The following MEF2C variants were observed in gnomAD, a reference collection of about 807,000 sequenced individuals.
MEF2C encodes myocyte enhancer factor 2C.
Under a neutral mutation model 50.5 loss-of-function variants are expected in MEF2C, and 6 were observed. The ratio of observed to expected loss-of-function variants is 0.12; its 90% CI spans 0.07 to 0.23. The LOEUF (loss-of-function observed/expected upper bound fraction) is 0.23, where lower values mean the gene tolerates loss of function less well. MEF2C is among the 10% of genes least tolerant of loss of function. MEF2C has a pLI of 1.00. For missense variants in MEF2C, 276 were observed against 605.0 expected (o/e 0.46, Z 5.70); for synonymous variants, 183 against 228.0 (o/e 0.80, Z 1.78).
chr5:88,862,004 T>G (rs1164412093), intron 1 of MEF2C, among the ~76,000 whole-genome samples: 1 of 152,210 alleles, frequency 6.6e-6, no homozygotes, highest in Non-Finnish European at 1.5e-5. Context: ...ATGGTATTAG[T>G]AAGCAGTGCA....
intron 10 of MEF2C, among the ~76,000 whole-genome samples, chr5:88,724,567 CA>C (rs542685749): frequency 1.7e-4 from 26 of 152,132 alleles, no homozygotes; most frequent in Non-Finnish European, 3.5e-4. Context: ...CAAGAAACTA[CA>C]CTGACTGTAT....
At chr5:88,740,784 A>G in intron 6 of MEF2C, 1 of 985,350 alleles carries the variant, frequency 1.0e-6, no homozygotes, top group Non-Finnish European at 1.2e-6. Context: ...TATCTTTAAA[A>G]AATTCCATTT....
chr5:88,758,955 A>G (rs1776620133), intron 4 of MEF2C, among the ~76,000 whole-genome samples: 1 of 152,224 alleles, frequency 6.6e-6, no homozygotes, highest in African/African-American at 2.4e-5. Flanking sequence ...ACAAGATCCA[A>G]TGTGCATTCT....
intron 1 of MEF2C, chr5:88,877,806 T>G (rs1328145135): frequency 6.6e-6 from 1 of 152,020 alleles, no homozygotes; most frequent in African/African-American, 2.4e-5. Flanking sequence ...TTTCATAGAC[T>G]TTTTTTCAGT....
intron 3 of MEF2C, among the ~76,000 whole-genome samples, chr5:88,783,195 T>A (rs1789027556): frequency 6.6e-6 from 1 of 152,202 alleles, no homozygotes; most frequent in African/African-American, 2.4e-5. Context: ...GCCATCATGG[T>A]CGTCGTTATC....
chr5:88,731,853 G>T lies in MEF2C; in HGVS notation c.686C>A (p.Pro229His). 1 of 1,613,216 alleles carries T rather than the reference G, an allele frequency of 6.2e-7. No homozygotes were observed. Among genetic ancestry groups the T allele is most frequent in the Non-Finnish European group, 8.5e-7 (1 of 1,179,486 alleles). The change falls in exon 7 of 11, where the codon CCT becomes CAT. Residue 229 changes from proline (P) to histidine (H), a missense_variant. Pro to His is a moderately conservative substitution (Grantham distance 77, BLOSUM62 -2). Around this residue, in one of 2 missense-constraint regions of MEF2C, gnomAD observed 256 missense variants for 468.1 expected, o/e 0.55. Transcript: ENST00000504921. ...PRNSPGLLVS[P>H]GNLNKNMQAK... Reference sequence around the variant, plus strand: ...TTGCATATTCTTGTTCAAGTTACCAGGTGAGACCAGCAGACCTGGTGAGTT... The same window carrying T: ...TTGCATATTCTTGTTCAAGTTACCATGTGAGACCAGCAGACCTGGTGAGTT...
chr5:88,759,921 T>C (rs1459571782), intron 4 of MEF2C, among the ~76,000 whole-genome samples: 1 of 152,248 alleles, frequency 6.6e-6, no homozygotes, highest in Non-Finnish European at 1.5e-5. Context: ...ATCTTGTGAG[T>C]GCAGTTGTGA....
At chr5:88,847,697 G>C (rs1273060576) in intron 1 of MEF2C, among the ~76,000 whole-genome samples, 1 of 151,536 alleles carries the variant, frequency 6.6e-6, no homozygotes, top group Non-Finnish European at 1.5e-5. Context: ...TTAGTAACTT[G>C]ACTATAAAAC....
At chr5:88,807,801 A>G (rs77231631) in intron 2 of MEF2C, among the ~76,000 whole-genome samples, 1 of 152,334 alleles carries the variant, frequency 6.6e-6, no homozygotes, top group East Asian at 1.9e-4. Flanking sequence ...TATGACTGAT[A>G]GAAAGATAAA....
At chr5:88,766,289 T>C (rs945701297) in intron 3 of MEF2C, among the ~76,000 whole-genome samples, 2 of 152,208 alleles carry the variant, frequency 1.3e-5, no homozygotes, top group African/African-American at 2.4e-5. Flanking sequence ...AAAAGAATGC[T>C]ACATGGAGCT....
intron 3 of MEF2C, among the ~76,000 whole-genome samples, chr5:88,775,092 T>C (rs1784158665): frequency 6.6e-6 from 1 of 152,220 alleles, no homozygotes; most frequent in Admixed American, 6.5e-5. Flanking sequence ...AGGGCCTTTA[T>C]TTGCTTACCT....
chr5:88,896,243 C>T (rs1194560179), intron 1 of MEF2C, among the ~76,000 whole-genome samples: 2 of 152,206 alleles, frequency 1.3e-5, no homozygotes, highest in Admixed American at 6.5e-5. Context: ...CCCCTGGTCT[C>T]TTTTTCTATT....
At chr5:88,880,087 G>C (rs544079687) in intron 1 of MEF2C, among the ~76,000 whole-genome samples, 1 of 151,822 alleles carries the variant, frequency 6.6e-6, no homozygotes, top group African/African-American at 2.4e-5. Context: ...TGCTAAGGAC[G>C]GGGATCTTAA....
At chr5:88,743,240 G>A (rs1253008165) in intron 6 of MEF2C, 1 of 983,790 alleles carries the variant, frequency 1.0e-6, no homozygotes, top group Non-Finnish European at 1.2e-6. Flanking sequence ...GCAATCTTAA[G>A]TTATGTTTTC....
At chr5:88,734,575 T>TG (rs1273196281) in intron 6 of MEF2C, 40,937 of 897,356 alleles carry the variant, frequency 0.046, 648 homozygotes, top group East Asian at 0.15. Flanking sequence ...GTTTTTTTTT[T>TG]TTTTTTTTTT....
intron 1 of MEF2C, among the ~76,000 whole-genome samples, chr5:88,902,163 G>A (rs1180767728): frequency 6.6e-6 from 1 of 150,386 alleles, no homozygotes; most frequent in Non-Finnish European, 1.5e-5. Flanking sequence ...AAAAATAAAA[G>A]TAAAATTTTC....
chr5:88,775,545 ACTTT>A lies in MEF2C; in HGVS notation c.259-14221_259-14218del, dbSNP rs1784362954. 2.6e-5 allele frequency among the ~76,000 whole-genome samples: 4 copies of A among 152,338 alleles called. No homozygotes were observed. In the South Asian group the frequency reaches 8.3e-4, roughly 32 times the overall value. On this transcript the variant is annotated intron_variant, in intron 3 of 10. Coordinates refer to ENST00000504921, the MANE Select transcript of MEF2C (RefSeq NM_002397.5). The stretch of plus-strand genomic sequence containing the variant: ...AATCAAGGCCTATATAGACTAAGTT[ACTTT>A]ATTATCAGGTTAATTTTTTTCAAAA...
chr5:88,807,004 GTA>G (rs1270406002), intron 2 of MEF2C, among the ~76,000 whole-genome samples: 4 of 152,274 alleles, frequency 2.6e-5, no homozygotes, highest in African/African-American at 9.6e-5. Context: ...ATTGATGTAT[GTA>G]TATATGTGAT....
At chr5:88,822,960 C>A (rs1809121104) in intron 2 of MEF2C, among the ~76,000 whole-genome samples, 1 of 151,924 alleles carries the variant, frequency 6.6e-6, no homozygotes, top group South Asian at 2.1e-4. Context: ...CTTACATAGC[C>A]TAACTAAATC....
Sources: gnomAD v4.1 joint callset for allele counts (sites outside exome capture counted in the v4.1 genomes callset) on GRCh38, gnomAD v4.1.1 for gene constraint, gnomAD v4.1.1 regional missense constraint, MANE v1.5 for transcripts, NCBI Gene and HGNC (gene_info 2026-07-23, HGNC 2026-07-21) for gene names.